The following POFUT2 variants were observed in gnomAD, a reference collection of about 807,000 sequenced individuals.
POFUT2 encodes the protein protein O-fucosyltransferase 2, also known as GDP-fucose protein O-fucosyltransferase 2.
Under a neutral mutation model 55.0 loss-of-function variants are expected in POFUT2, and 30 were observed. The ratio of observed to expected loss-of-function variants is 0.55; its 90% CI spans 0.41 to 0.74. The LOEUF is 0.74. Ranked by LOEUF, POFUT2 falls within the 30% of genes least tolerant of loss-of-function variation. The probability of loss-of-function intolerance (pLI) is 0.00; values close to 1 mark genes in which losing one functional copy is unlikely to be tolerated. For missense variants in POFUT2, 524 were observed against 562.6 expected, an observed-to-expected ratio of 0.93 and a Z score of 0.69; for synonymous variants, 267 against 231.1, an observed-to-expected ratio of 1.16 and a Z score of -1.41.
At chr21:45,279,595 C>T (rs1458854995) in intron 4 of POFUT2, among the ~76,000 whole-genome samples, 1 of 152,178 alleles carries the variant, frequency 6.6e-6, no homozygotes, top group African/African-American at 2.4e-5. Context: ...TGGAAGCTCT[C>T]GGCCCTCGTG....
chr21:45,285,237 G>A lies in POFUT2; in HGVS notation c.382+441C>T. 4.9e-6 allele frequency: 1 copy of A among 206,028 alleles called. No individual in the cohort carries two copies. Among genetic ancestry groups the A allele is most frequent in the South Asian group, 7.8e-5 (1 of 12,892 alleles). 12.8% of individuals were successfully genotyped at this position (206,028 alleles called of 1,614,324 possible). A position where few individuals can be genotyped will look rare whatever the true frequency, so the allele number is the denominator to read the frequency against. ...TTCTTCTCTTAAAATTAACTGAAAA[G>A]ATTAAGCAACACAAAATTAAACGAG... is the stretch of plus-strand genomic sequence containing the variant. On this transcript the variant is annotated intron_variant, in intron 2 of 8. Coordinates refer to ENST00000349485, the MANE Select transcript of POFUT2 (RefSeq NM_133635.6). The surrounding 1 kb of genome is among the most constrained non-coding windows in gnomAD (Gnocchi z 4.9).
At chr21:45,276,941 C>A in intron 6 of POFUT2, 76 bp downstream of exon 6, 1 of 1,513,958 alleles carries the variant, frequency 6.6e-7, no homozygotes, top group Non-Finnish European at 9.1e-7. Context: ...TGTGACTTTA[C>A]ATGGAAGGCC....
In POFUT2 at chr21:45,270,177, C is replaced by T. The variant is rs770024243; in HGVS notation, c.832-158G>A. On this transcript the variant is annotated intron_variant, in intron 6 of 8. Coordinates refer to ENST00000349485, the MANE Select transcript of POFUT2 (RefSeq NM_133635.6). The surrounding 1 kb of genome is among the most constrained non-coding windows in gnomAD (Gnocchi z 4.6). Reference sequence around the variant, plus strand: ...TGTCTAAGGGATTCAGGTGGAATCTCGGGGGCGACCAGATGTCTTTCTAAG... The same window carrying T: ...TGTCTAAGGGATTCAGGTGGAATCTTGGGGGCGACCAGATGTCTTTCTAAG... 1.6e-5 allele frequency: 7 copies of T among 424,328 alleles called. No individual in the cohort carries two copies. The highest frequency in any genetic ancestry group is 2.1e-5 in the African/African-American group (1 of 48,766). The allele number at this position is 424,328 out of a possible 1,614,324, so 26.3% of individuals were successfully genotyped here.
At position 45,267,132 on chromosome 21, in the gene POFUT2, C is replaced by G; in HGVS notation, c.1136+458G>C. On this transcript the variant is annotated intron_variant, in intron 8 of 8. Transcript: ENST00000349485. The surrounding 1 kb of genome is among the most constrained non-coding windows in gnomAD (Gnocchi z 4.4). ...TCACACGAGGGCCCATGCTCCCAGC[C>G]TTGGGGACGCTCATGGCAGCCCCAC... The G allele has an allele frequency of 8.1e-7, 1 of 1,229,486 alleles. No homozygotes were observed. The highest frequency in any genetic ancestry group is 4.6e-5 in the East Asian group (1 of 21,842). The allele number at this position is 1,229,486 out of a possible 1,614,324, so 76.2% of individuals were successfully genotyped here. A position where few individuals can be genotyped will look rare whatever the true frequency, so the allele number is the denominator to read the frequency against.
intron 6 of POFUT2, among the ~76,000 whole-genome samples, chr21:45,274,560 C>G (rs2093246356): frequency 6.6e-6 from 1 of 152,190 alleles, no homozygotes; most frequent in African/African-American, 2.4e-5. Context: ...CAACTTCAAA[C>G]TATCCTACAA....
At position 45,267,171 on chromosome 21, in the gene POFUT2, C is replaced by G; in HGVS notation, c.1136+419G>C. 1 of 1,307,578 alleles carries G rather than the reference C, an allele frequency of 7.6e-7. No homozygotes were observed. The highest frequency in any genetic ancestry group is 9.8e-7 in the Non-Finnish European group (1 of 1,022,172). The allele number at this position is 1,307,578 out of a possible 1,614,324, so 81.0% of individuals were successfully genotyped here. A position where few individuals can be genotyped will look rare whatever the true frequency, so the allele number is the denominator to read the frequency against. On this transcript the variant is annotated intron_variant, in intron 8 of 8. Coordinates refer to ENST00000349485, the MANE Select transcript of POFUT2 (RefSeq NM_133635.6). The surrounding 1 kb of genome is among the most constrained non-coding windows in gnomAD (Gnocchi z 4.4). ...TGGCAGCCCCACGAGAATGATCACA[C>G]GAGGGCCCACGCTCCCGGCCTCGGG...
intron 6 of POFUT2, among the ~76,000 whole-genome samples, chr21:45,275,710 G>C (rs2093256778): frequency 6.6e-6 from 1 of 152,206 alleles, no homozygotes; most frequent in African/African-American, 2.4e-5. Context: ...AAAGGCATAA[G>C]AATGACACAA....
rs976305179 is a variant in POFUT2, at chr21:45,265,787, C to T, written c.1137-152G>A. 45 of 1,429,582 alleles carry T rather than the reference C, an allele frequency of 3.1e-5. 2 individuals carry two copies. The South Asian group carries it at 5.2e-4, about 16-fold the overall frequency. The allele number at this position is 1,429,582 out of a possible 1,614,324, so 88.6% of individuals were successfully genotyped here. A position where few individuals can be genotyped will look rare whatever the true frequency, so the allele number is the denominator to read the frequency against. On this transcript the variant is annotated intron_variant, in intron 8 of 8. Coordinates refer to ENST00000349485, the MANE Select transcript of POFUT2 (RefSeq NM_133635.6). The surrounding 1 kb of genome is among the most constrained non-coding windows in gnomAD (Gnocchi z 4.6). ...GTCCCCCGAGCACCCACCAGCCGGC[C>T]GCCCCCTTGCTGGCACCCCTCGCTC...
intron 7 of POFUT2, among the ~76,000 whole-genome samples, chr21:45,268,812 G>C (rs1179051696): frequency 6.9e-6 from 1 of 144,734 alleles, no homozygotes; most frequent in African/African-American, 2.6e-5. Flanking sequence ...GGAGGGAGGT[G>C]GGGGGGTCAG....
intron 8 of POFUT2, chr21:45,266,481 T>C (rs922400419): frequency 8.9e-6 from 10 of 1,121,102 alleles, no homozygotes; most frequent in African/African-American, 1.6e-5. Flanking sequence ...GAGAGCTCAG[T>C]GCGAAGCCTC....
In POFUT2 at chr21:45,269,820, A is replaced by G. The variant is rs2146567805; in HGVS notation, c.1012+19T>C. The G allele has an allele frequency of 6.3e-7, 1 of 1,581,102 alleles. No homozygotes were observed. The highest frequency in any genetic ancestry group is 8.6e-7 in the Non-Finnish European group (1 of 1,168,798). On this transcript the variant is annotated intron_variant, in intron 7 of 8. Coordinates refer to ENST00000349485, the MANE Select transcript of POFUT2 (RefSeq NM_133635.6). ...AAATTAAAAGAAAGGAAAGAAACGA[A>G]AGCATTGAAGCTCCATACCCTTTCT...
rs78900352 is a variant in POFUT2, at chr21:45,279,638, C to T, written c.639-1469G>A. Among the ~76,000 whole-genome samples the T allele has an allele frequency of 4.1e-3, 617 of 152,276 alleles. 14 individuals carry two copies. The highest frequency in any genetic ancestry group is 0.034 in the Admixed American group (520 of 15,296). On this transcript the variant is annotated intron_variant, in intron 4 of 8. Transcript: ENST00000349485. ...GGGAACCAGCCGTGCACGGCCACTG[C>T]GGGGACTCTGAGGACTGCACCAAGG...
intron 8 of POFUT2, chr21:45,266,026 C>T (rs748058080): frequency 8.2e-7 from 1 of 1,216,546 alleles, no homozygotes; most frequent in South Asian, 1.4e-5. Flanking sequence ...ACTAACCACA[C>T]ACTGTCTAGC....
In POFUT2 at chr21:45,265,597, C is replaced by T. The variant is rs773256059; in HGVS notation, c.1175G>A (p.Arg392Gln). 5.6e-6 allele frequency: 9 copies of T among 1,613,552 alleles called. No individual in the cohort carries two copies. The highest frequency in any genetic ancestry group is 2.2e-5 in the East Asian group (1 of 44,882). ...IGTSVSTFSF[R>Q]IHEEREILGL... ...CAGGATTTCTCTTTCCTCATGAATC[C>T]GAAAAGAAAATGTTGAGACTGAGGT... The change falls in exon 9 of 9, where the codon CGG becomes CAG. Residue 392 changes from arginine to glutamine, a missense_variant. Physicochemically the swap from Arg to Gln is conservative, Grantham distance 43. Coordinates refer to ENST00000349485, the MANE Select transcript of POFUT2 (RefSeq NM_133635.6). This position sits in a 1 kb window ranked among gnomAD's most constrained non-coding sequence, Gnocchi z 4.6.
Position 45,265,903 on chromosome 21 carries a change from C to T in POFUT2, c.1137-268G>A. 1 of 1,321,360 alleles carries T rather than the reference C, an allele frequency of 7.6e-7. No individual in the cohort carries two copies. Among genetic ancestry groups the T allele is most frequent in the Non-Finnish European group, 9.7e-7 (1 of 1,026,560 alleles). 81.9% of individuals were successfully genotyped at this position (1,321,360 alleles called of 1,614,324 possible). ...AGTCAGCAGCCGCCACGCTCCTGTC[C>T]CACCGCATGTCCCCCTGGGAGCCCT... is the stretch of plus-strand genomic sequence containing the variant. On this transcript the variant is annotated intron_variant, in intron 8 of 8. Coordinates refer to ENST00000349485, the MANE Select transcript of POFUT2 (RefSeq NM_133635.6). The surrounding 1 kb of genome is among the most constrained non-coding windows in gnomAD (Gnocchi z 4.6).
intron 8 of POFUT2, chr21:45,266,277 GCACAGCGCTGTACACAGAGC>G (rs778678910): frequency 6.5e-5 from 89 of 1,367,386 alleles, no homozygotes; most frequent in Non-Finnish European, 7.9e-5. Flanking sequence ...AATGTAACAT[GCACAGCGCTGTACACAGAGC>G]CACAGGGCCA....
intron 7 of POFUT2, among the ~76,000 whole-genome samples, chr21:45,268,475 G>C (rs1456488349): frequency 7.1e-6 from 1 of 140,922 alleles, no homozygotes; most frequent in Non-Finnish European, 1.6e-5. Flanking sequence ...CCCTCTGCCT[G>C]GCTGCCCAGT....
intron 4 of POFUT2, 84 bp from the exon 5 acceptor site, chr21:45,278,253 C>G (rs1377475093): frequency 1.6e-6 from 2 of 1,215,496 alleles, no homozygotes; most frequent in East Asian, 2.3e-5. Flanking sequence ...ACTGGGAGAA[C>G]CCCGGGCCGA....
rs2093135263 is a variant in POFUT2 at position 45,264,356 on chromosome 21, CG to C, written c.*1125del. On this transcript the variant is annotated 3_prime_UTR_variant, in exon 9 of 9. Transcript: ENST00000349485. Reference sequence around the variant, plus strand: ...CATGGTGGAAAGTCACAAAGGGTAACGGGCCAAGAGGGTGAGGGGGGCTCCC... The same window carrying C: ...CATGGTGGAAAGTCACAAAGGGTAACGGCCAAGAGGGTGAGGGGGGCTCCC... 1 of 152,324 alleles carries C rather than the reference CG, an allele frequency of 6.6e-6. No homozygotes were observed. The highest frequency in any genetic ancestry group is 2.4e-5 in the African/African-American group (1 of 41,462). 9.4% of individuals were successfully genotyped at this position (152,324 alleles called of 1,614,324 possible). A position where few individuals can be genotyped will look rare whatever the true frequency, so the allele number is the denominator to read the frequency against.
Sources: gnomAD v4.1 joint callset for allele counts (sites outside exome capture counted in the v4.1 genomes callset) on GRCh38, gnomAD v4.1.1 for gene constraint, Gnocchi (gnomAD v3.1) non-coding constraint, MANE v1.5 for transcripts, NCBI Gene and HGNC (gene_info 2026-07-23, HGNC 2026-07-21) for gene names.